PPM1A: variants seen among roughly 807,000 people sequenced by gnomAD.
PPM1A encodes protein phosphatase, Mg2+/Mn2+ dependent 1A, also known as protein phosphatase 1A.
PPM1A carries 7 observed loss-of-function variants against 35.0 expected under a neutral mutation model. The observed-to-expected ratio is 0.20, with a 90% CI of 0.11 to 0.38. The LOEUF (loss-of-function observed/expected upper bound fraction) is 0.38, where lower values mean the gene tolerates loss of function less well. Among genes scored for constraint, PPM1A ranks in the 10% least tolerant of loss-of-function variants. The pLI, the probability that PPM1A is intolerant of heterozygous loss-of-function variation, is 1.00. For missense variants in PPM1A, 239 were observed against 467.8 expected, an observed-to-expected ratio of 0.51 and a Z score of 4.51; for synonymous variants, 153 against 167.3, an observed-to-expected ratio of 0.91 and a Z score of 0.66.
chr14:60,289,085 T>C lies in PPM1A; in HGVS notation c.953-721T>C, dbSNP rs1054757935. Among the ~76,000 whole-genome samples, 2 of 152,134 alleles carry C rather than the reference T, an allele frequency of 1.3e-5. No individual in the cohort carries two copies. Among genetic ancestry groups the C allele is most frequent in the Non-Finnish European group, 2.9e-5 (2 of 67,964 alleles). ...TTAATAACTGGATATTTTAAAATTA[T>C]TTTAAATGCAGTTGTATGGTTTATC... On this transcript the variant is annotated intron_variant, in intron 3 of 5. Coordinates refer to ENST00000395076, the MANE Select transcript of PPM1A (RefSeq NM_021003.5). This position sits in a 1 kb window ranked among gnomAD's most constrained non-coding sequence, Gnocchi z 4.1.
chr14:60,278,882 G>A (rs1418810923), intron 1 of PPM1A, among the ~76,000 whole-genome samples: 1 of 152,128 alleles, frequency 6.6e-6, no homozygotes, highest in African/African-American at 2.4e-5. Flanking sequence ...CTTCTAATGA[G>A]CAGTTAGGTT....
intron 1 of PPM1A, among the ~76,000 whole-genome samples, chr14:60,279,822 C>T (rs1055056409): frequency 6.6e-6 from 1 of 151,940 alleles, no homozygotes; most frequent in Non-Finnish European, 1.5e-5. Flanking sequence ...TCAGAGCTGG[C>T]GGCAAGGAGG....
chr14:60,254,700 G>A (rs1882844306), intron 1 of PPM1A, among the ~76,000 whole-genome samples: 1 of 152,156 alleles, frequency 6.6e-6, no homozygotes, highest in Non-Finnish European at 1.5e-5. Context: ...CCCAAACCAA[G>A]ATATTAGCAT....
At chr14:60,278,243 A>G (rs1418242120) in intron 1 of PPM1A, among the ~76,000 whole-genome samples, 1 of 152,166 alleles carries the variant, frequency 6.6e-6, no homozygotes, top group African/African-American at 2.4e-5. Context: ...TAATCTGTCT[A>G]AGATAGAAGT....
chr14:60,249,512 C>T lies in PPM1A; in HGVS notation c.-186C>T, dbSNP rs1293197979. 1.5e-5 allele frequency: 15 copies of T among 984,936 alleles called. No individual in the cohort carries two copies. Among genetic ancestry groups the T allele is most frequent in the Non-Finnish European group, 1.8e-5 (15 of 829,652 alleles). 61.0% of individuals were successfully genotyped at this position (984,936 alleles called of 1,614,324 possible). ...CCGACAGCCGGGGGCCCGGACGCAG[C>T]CCGGCTCCTCCCCTCCTCCGCCCCT... On this transcript the variant is annotated 5_prime_UTR_variant, in exon 1 of 6. Coordinates refer to ENST00000395076, the MANE Select transcript of PPM1A (RefSeq NM_021003.5). This position sits in a 1 kb window ranked among gnomAD's most constrained non-coding sequence, Gnocchi z 4.5.
chr14:60,291,351 G>A (rs2139594593), intron 4 of PPM1A, 46 bp from the exon 5 acceptor site: 1 of 1,365,888 alleles, frequency 7.3e-7, no homozygotes, highest in South Asian at 1.4e-5. Context: ...ACTAAGCAAT[G>A]TTTTGCTTTC....
intron 1 of PPM1A, among the ~76,000 whole-genome samples, chr14:60,268,621 A>C (rs1156488620): frequency 6.6e-6 from 1 of 150,602 alleles, no homozygotes; most frequent in Non-Finnish European, 1.5e-5. Flanking sequence ...AATATTTAGT[A>C]TACTGATTTT....
intron 1 of PPM1A, among the ~76,000 whole-genome samples, chr14:60,258,327 T>G (rs1434866008): frequency 6.6e-6 from 1 of 152,148 alleles, no homozygotes; most frequent in Non-Finnish European, 1.5e-5. Context: ...TGAATTACTT[T>G]ATACTTGGCT....
chr14:60,249,143 G>T (rs917830883), upstream of PPM1A: 67 of 827,280 alleles, frequency 8.1e-5, 1 homozygote, highest in African/African-American at 1.1e-3. This position sits in a 1 kb window ranked among gnomAD's most constrained non-coding sequence, Gnocchi z 4.5. Context: ...TAGCGGCGGC[G>T]GAGCCAGCGG....
intron 1 of PPM1A, among the ~76,000 whole-genome samples, chr14:60,261,631 A>C (rs1883753146): frequency 6.6e-6 from 1 of 152,158 alleles, no homozygotes; most frequent in South Asian, 2.1e-4. Context: ...ATTAAATGGC[A>C]CCATCCCCGT....
intron 1 of PPM1A, among the ~76,000 whole-genome samples, chr14:60,272,103 G>C (rs1043762585): frequency 4.0e-5 from 6 of 151,046 alleles, no homozygotes; most frequent in African/African-American, 1.5e-4. Context: ...GTGACATGAA[G>C]TGTCTCCCTA....
rs751467360 is a variant in PPM1A, at chr14:60,285,765, G to A, written c.952+24G>A. 6 of 1,599,178 alleles carry A rather than the reference G, an allele frequency of 3.8e-6. 1 individual carries two copies. The Admixed American group carries it at 5.4e-5, about 14-fold the overall frequency. On this transcript the variant is annotated intron_variant, in intron 3 of 5. Transcript: ENST00000395076. ...AGGTGGATCATTTAACAAAAAATAA[G>A]TAGCTTTATTAAAGAAAAATCTTCA...
rs182014755 is a variant in PPM1A at position 60,279,243 on chromosome 14, T to A, written c.-20-3441T>A. 2.0e-5 allele frequency among the ~76,000 whole-genome samples: 3 copies of A among 152,200 alleles called. No homozygotes were observed. In the East Asian group the frequency reaches 5.8e-4, roughly 29 times the overall value. On this transcript the variant is annotated intron_variant, in intron 1 of 5. Coordinates refer to ENST00000395076, the MANE Select transcript of PPM1A (RefSeq NM_021003.5). ...AAACAATTCTCCTGCCTCAGCCTCC[T>A]GAGTAGTTGGGATTACAGGCGCCAG...
At chr14:60,264,255 T>C (rs1308487739) in intron 1 of PPM1A, among the ~76,000 whole-genome samples, 1 of 152,228 alleles carries the variant, frequency 6.6e-6, no homozygotes, top group African/African-American at 2.4e-5. Flanking sequence ...TTTCATTGTC[T>C]TGTGAAACTT....
rs1242167192 is a variant in PPM1A at position 60,249,490 on chromosome 14, A to ACAGCCGGGGGCCCGGACG, written c.-202_-185dup. 1.0e-6 allele frequency: 1 copy of ACAGCCGGGGGCCCGGACG among 985,036 alleles called. No individual in the cohort carries two copies. The highest frequency in any genetic ancestry group is 1.8e-5 in the African/African-American group (1 of 57,014). The allele number at this position is 985,036 out of a possible 1,614,324, so 61.0% of individuals were successfully genotyped here. ...GATGATCTGAGCCGCGAGGGCGCCG[A>ACAGCCGGGGGCCCGGACG]CAGCCGGGGGCCCGGACGCAGCCCG... On this transcript the variant is annotated 5_prime_UTR_variant, in exon 1 of 6. Coordinates refer to ENST00000395076, the MANE Select transcript of PPM1A (RefSeq NM_021003.5). This position sits in a 1 kb window ranked among gnomAD's most constrained non-coding sequence, Gnocchi z 4.5.
Position 60,283,195 on chromosome 14 carries a change from C to T in PPM1A, c.492C>T (p.His164=). 6.2e-7 allele frequency: 1 copy of T among 1,614,218 alleles called. No individual in the cohort carries two copies. The highest frequency in any genetic ancestry group is 1.3e-5 in the African/African-American group (1 of 75,050). Residue 164 remains histidine, a synonymous_variant, in exon 2 of 6, where the codon CAC becomes CAT. Coordinates refer to ENST00000395076, the MANE Select transcript of PPM1A (RefSeq NM_021003.5). This position sits in a 1 kb window ranked among gnomAD's most constrained non-coding sequence, Gnocchi z 6.3. ...NRKVHFFTQD[H]KPSNPLEKER... ...AAGTTCATTTCTTCACACAAGATCA[C>T]AAACCAAGTAATCCGCTGGAGAAAG...
intron 1 of PPM1A, among the ~76,000 whole-genome samples, chr14:60,255,987 G>T (rs930686852): frequency 1.3e-5 from 2 of 152,188 alleles, no homozygotes; most frequent in Admixed American, 1.3e-4. Context: ...GGAATTAGAT[G>T]ATGTGTTAAA....
chr14:60,254,400 CAG>C (rs1882797848), intron 1 of PPM1A, among the ~76,000 whole-genome samples: 1 of 151,922 alleles, frequency 6.6e-6, no homozygotes, highest in South Asian at 2.1e-4. Context: ...TAAAGAGTAA[CAG>C]TAATAAAGCA....
chr14:60,285,383 T>C (rs897351778), intron 2 of PPM1A, among the ~76,000 whole-genome samples: 8 of 152,256 alleles, frequency 5.3e-5, no homozygotes, highest in African/African-American at 1.9e-4. Context: ...GATTAACCTG[T>C]AATGTTTCTC....
Sources: allele counts gnomAD v4.1 joint callset (sites outside exome capture counted in the v4.1 genomes callset), GRCh38; gene constraint gnomAD v4.1.1; non-coding constraint Gnocchi (gnomAD v3.1); transcripts MANE v1.5; gene names NCBI Gene and HGNC (gene_info 2026-07-23, HGNC 2026-07-21).